The following NKAIN2 variants were observed in gnomAD, a reference collection of about 807,000 sequenced individuals.
NKAIN2 encodes sodium/potassium transporting ATPase interacting 2, also known as sodium/potassium-transporting ATPase subunit beta-1-interacting protein 2.
Under a neutral mutation model 32.6 loss-of-function variants are expected in NKAIN2, and 14 were observed. The ratio of observed to expected loss-of-function variants is 0.43; its 90% CI spans 0.28 to 0.67. The LOEUF is 0.67. NKAIN2 is among the 30% of genes least tolerant of loss of function. NKAIN2 has a pLI of 0.17. For missense variants in NKAIN2, 198 were observed against 258.3 expected (o/e 0.77, Z 1.60); for synonymous variants, 80 against 87.2 (o/e 0.92, Z 0.46).
chr6:124,481,997 T>G (rs1339337626), intron 3 of NKAIN2, among the ~76,000 whole-genome samples: 1 of 152,138 alleles, frequency 6.6e-6, no homozygotes, highest in African/African-American at 2.4e-5. Flanking sequence ...CAAAAAGTTT[T>G]CTTAGAAAGA....
chr6:124,096,715 G>A (rs1036958391), intron 1 of NKAIN2, among the ~76,000 whole-genome samples: 7 of 151,864 alleles, frequency 4.6e-5, no homozygotes, highest in Middle Eastern at 3.4e-3. Flanking sequence ...AAAATTAGCC[G>A]GGCGTGGTGG....
intron 1 of NKAIN2, among the ~76,000 whole-genome samples, chr6:124,183,964 T>G (rs914402564): frequency 3.3e-5 from 5 of 152,098 alleles, no homozygotes; most frequent in Non-Finnish European, 7.4e-5. Flanking sequence ...GATAATGACT[T>G]TATTTGTACT....
chr6:124,206,636 A>T lies in NKAIN2; in HGVS notation c.55-76369A>T, dbSNP rs532602977. ...ATCCACAGTATCAGAATATTATTCT[A>T]TCAGTTATCTTTTTCTCTTCAGAGT... On this transcript the variant is annotated intron_variant, in intron 1 of 6. Transcript: ENST00000368417. 7.2e-5 allele frequency among the ~76,000 whole-genome samples: 11 copies of T among 152,022 alleles called. No individual in the cohort carries two copies. In the South Asian group the frequency reaches 2.1e-3, roughly 29 times the overall value.
At chr6:124,727,294 C>G (rs564269770) in intron 4 of NKAIN2, among the ~76,000 whole-genome samples, 48 of 152,058 alleles carry the variant, frequency 3.2e-4, no homozygotes, top group African/African-American at 5.1e-4. Flanking sequence ...AAAATGTTAA[C>G]GGAAGCCAGA....
chr6:123,882,079 A>C lies in NKAIN2; in HGVS notation c.54+77825A>C, dbSNP rs1773481479. 1.3e-5 allele frequency among the ~76,000 whole-genome samples: 2 copies of C among 152,132 alleles called. 1 individual carries two copies. Among genetic ancestry groups the C allele is most frequent in the South Asian group, 4.1e-4 (2 of 4,832 alleles). ...TTTGAGAAATTAAAGAGATTGTTAA[A>C]ATTTTTCATGTCACTAATCAGTAAT... is the stretch of plus-strand genomic sequence containing the variant. On this transcript the variant is annotated intron_variant, in intron 1 of 6. Coordinates refer to ENST00000368417, the MANE Select transcript of NKAIN2 (RefSeq NM_001040214.3).
intron 1 of NKAIN2, among the ~76,000 whole-genome samples, chr6:123,825,169 T>A (rs1344573997): frequency 6.6e-6 from 1 of 152,048 alleles, no homozygotes; most frequent in Non-Finnish European, 1.5e-5. Flanking sequence ...CATTCATGAG[T>A]GCCCTGCCGT....
intron 1 of NKAIN2, among the ~76,000 whole-genome samples, chr6:124,250,465 C>T (rs1040665235): frequency 3.9e-5 from 6 of 151,948 alleles, no homozygotes; most frequent in African/African-American, 1.4e-4. Context: ...AAAATAATCA[C>T]ATTATTAAAT....
chr6:124,023,105 A>T (rs1780947970), intron 1 of NKAIN2, among the ~76,000 whole-genome samples: 1 of 151,528 alleles, frequency 6.6e-6, no homozygotes, highest in African/African-American at 2.4e-5. Context: ...TATAAAAAGT[A>T]TATATTTCTT....
chr6:123,944,171 G>GAAAA (rs1224488282), intron 1 of NKAIN2, among the ~76,000 whole-genome samples: 1 of 151,940 alleles, frequency 6.6e-6, no homozygotes, highest in Non-Finnish European at 1.5e-5. Flanking sequence ...CTTCTGGAGT[G>GAAAA]CCTTTCTTAG....
chr6:124,278,992 A>G (rs1464099998), intron 1 of NKAIN2, among the ~76,000 whole-genome samples: 1 of 152,156 alleles, frequency 6.6e-6, no homozygotes, highest in Non-Finnish European at 1.5e-5. Context: ...ACACATCACT[A>G]AGTGAGAAAC....
At chr6:124,525,276 A>G (rs934265316) in intron 3 of NKAIN2, among the ~76,000 whole-genome samples, 1 of 152,152 alleles carries the variant, frequency 6.6e-6, no homozygotes, top group African/African-American at 2.4e-5. Flanking sequence ...TCTATCTTAT[A>G]TAGGCAGCGG....
intron 4 of NKAIN2, among the ~76,000 whole-genome samples, chr6:124,757,586 T>C (rs1778025027): frequency 6.6e-6 from 1 of 152,168 alleles, no homozygotes; most frequent in South Asian, 2.1e-4. Flanking sequence ...TTTAGGCCAA[T>C]TGATGCATGT....
intron 1 of NKAIN2, among the ~76,000 whole-genome samples, chr6:123,850,858 A>G (rs1340535567): frequency 6.6e-6 from 1 of 152,110 alleles, no homozygotes; most frequent in African/African-American, 2.4e-5. Context: ...CGTATCTTAG[A>G]CCAACATCTC....
rs1366849014 is a variant in NKAIN2, at chr6:124,108,420, A to G, written c.55-174585A>G. Among the ~76,000 whole-genome samples, 5 of 152,004 alleles carry G rather than the reference A, an allele frequency of 3.3e-5. No individual in the cohort carries two copies. The South Asian group carries it at 8.3e-4, about 25-fold the overall frequency. Reference sequence around the variant, plus strand: ...TGTAGTGATTCCTTATATATTTTAGATGTTAAACTTTTATTGGATATATAG... The same window carrying G: ...TGTAGTGATTCCTTATATATTTTAGGTGTTAAACTTTTATTGGATATATAG... On this transcript the variant is annotated intron_variant, in intron 1 of 6. Coordinates refer to ENST00000368417, the MANE Select transcript of NKAIN2 (RefSeq NM_001040214.3).
chr6:124,758,831 C>G (rs1458324873), intron 4 of NKAIN2, among the ~76,000 whole-genome samples: 1 of 152,180 alleles, frequency 6.6e-6, no homozygotes, highest in Non-Finnish European at 1.5e-5. Flanking sequence ...CCAGCTACAT[C>G]ACTTTCTATT....
chr6:124,825,067 G>A lies in NKAIN2; in HGVS notation c.*1838G>A, dbSNP rs1489615991. On this transcript the variant is annotated 3_prime_UTR_variant, in exon 7 of 7. Transcript: ENST00000368417. ...TCATATGACGCTTTTATAGTGACAT[G>A]CATGTTTAATGTATGAGAAAAATAT... The A allele has an allele frequency of 6.6e-6, 1 of 152,548 alleles. No homozygotes were observed. Among genetic ancestry groups the A allele is most frequent in the Non-Finnish European group, 1.5e-5 (1 of 68,036 alleles). The allele number at this position is 152,548 out of a possible 1,614,324, so 9.4% of individuals were successfully genotyped here. A position where few individuals can be genotyped will look rare whatever the true frequency, so the allele number is the denominator to read the frequency against.
chr6:124,484,754 C>T (rs1015345714), intron 3 of NKAIN2, among the ~76,000 whole-genome samples: 3 of 152,036 alleles, frequency 2.0e-5, no homozygotes, highest in African/African-American at 7.3e-5. Flanking sequence ...TCCATAAATA[C>T]ATACTTGTAA....
chr6:124,471,663 G>A (rs996593281), intron 3 of NKAIN2, among the ~76,000 whole-genome samples: 14 of 152,248 alleles, frequency 9.2e-5, no homozygotes, highest in Middle Eastern at 3.4e-3. Context: ...CTGACATGAC[G>A]TGGTTGGAGC....
At chr6:124,527,058 C>G (rs1274841637) in intron 3 of NKAIN2, among the ~76,000 whole-genome samples, 1 of 152,048 alleles carries the variant, frequency 6.6e-6, no homozygotes, top group Non-Finnish European at 1.5e-5. Context: ...CATACCATAC[C>G]TTCTTATTGA....
Sources: allele counts gnomAD v4.1 joint callset (sites outside exome capture counted in the v4.1 genomes callset), GRCh38; gene constraint gnomAD v4.1.1; transcripts MANE v1.5; gene names NCBI Gene and HGNC (gene_info 2026-07-23, HGNC 2026-07-21).